Variants in ARHGAP21 observed in about 807,000 individuals in gnomAD.
ARHGAP21 encodes the protein Rho GTPase activating protein 21.
In ARHGAP21, 38 loss-of-function variants were observed where a neutral mutation model predicts 164.6. The ratio of observed to expected loss-of-function variants is 0.23; its 90% confidence interval spans 0.18 to 0.30. ARHGAP21 has a LOEUF of 0.30. Ranked by LOEUF, ARHGAP21 falls within the 10% of genes least tolerant of loss-of-function variation. The probability of loss-of-function intolerance (pLI) is 1.00; values close to 1 mark genes in which losing one functional copy is unlikely to be tolerated. For missense variants in ARHGAP21, 1,822 were observed against 2,370.7 expected (o/e 0.77, Z 4.81); for synonymous variants, 766 against 857.9 (o/e 0.89, Z 1.87).
intron 2 of ARHGAP21, among the ~76,000 whole-genome samples, chr10:24,707,238 G>C (rs539934732): frequency 6.6e-6 from 1 of 152,318 alleles, no homozygotes; most frequent in South Asian, 2.1e-4. Context: ...GGAGGCTAAA[G>C]ACTTATCCTT....
At chr10:24,596,236 A>G in intron 17 of ARHGAP21, 193 bp from the exon 18 acceptor site, 1 of 495,286 alleles carries the variant, frequency 2.0e-6, no homozygotes, top group East Asian at 3.4e-5. Context: ...AAGAGAACAA[A>G]GAGACTGAAA....
chr10:24,623,943 T>G (rs1047953424), intron 7 of ARHGAP21, among the ~76,000 whole-genome samples: 1 of 152,218 alleles, frequency 6.6e-6, no homozygotes, highest in African/African-American at 2.4e-5. Context: ...GGAAGAAATA[T>G]TACTGTTTAG....
chr10:24,656,325 G>A (rs1163014985), intron 4 of ARHGAP21, among the ~76,000 whole-genome samples: 12 of 100,374 alleles, frequency 1.2e-4, no homozygotes, highest in African/African-American at 4.8e-4. Context: ...CAGCCACCCC[G>A]TCCGGGAGGG....
At chr10:24,629,123 G>A (rs1835589035) in intron 7 of ARHGAP21, 2 of 144,146 alleles carry the variant, frequency 1.4e-5, no homozygotes, top group South Asian at 4.5e-4. Flanking sequence ...AGCCTCCCAA[G>A]TAGCTGGGAT....
At chr10:24,686,766 A>G (rs368487505) in intron 2 of ARHGAP21, among the ~76,000 whole-genome samples, 94 of 152,336 alleles carry the variant, frequency 6.2e-4, no homozygotes, top group African/African-American at 2.2e-3. Flanking sequence ...TGGGCGGCAC[A>G]TCCCTGCAGA....
Position 24,721,834 on chromosome 10 carries a change from T to C in ARHGAP21, c.63+3A>G. The C allele has an allele frequency of 6.2e-7, 1 of 1,614,202 alleles. No homozygotes were observed. Among genetic ancestry groups the C allele is most frequent in the African/African-American group, 1.3e-5 (1 of 75,074 alleles). On this transcript the variant is annotated splice_donor_region_variant and intron_variant, in intron 2 of 25. Transcript: ENST00000396432. ...CGGCCAGGAACGCTGGCTCCGCGCT[T>C]ACCTCGCAGGCCTTGAGCTTGTCAC...
intron 13 of ARHGAP21, 128 bp from the exon 14 acceptor site, chr10:24,601,058 T>G: frequency 1.9e-6 from 2 of 1,068,474 alleles, no homozygotes; most frequent in Admixed American, 5.3e-5. Context: ...CAGATTTAGC[T>G]CACTACATTA....
At chr10:24,676,000 T>C (rs928385518) in intron 2 of ARHGAP21, among the ~76,000 whole-genome samples, 1 of 151,758 alleles carries the variant, frequency 6.6e-6, no homozygotes, top group African/African-American at 2.4e-5. Flanking sequence ...ATACAAAAAT[T>C]AGCTGAGTGC....
At chr10:24,627,405 CAG>C (rs1403879027) in intron 7 of ARHGAP21, among the ~76,000 whole-genome samples, 3 of 152,142 alleles carry the variant, frequency 2.0e-5, no homozygotes. Flanking sequence ...ATGTTAGAGA[CAG>C]AAAATTATAT....
chr10:24,625,183 A>G (rs1425717785), intron 7 of ARHGAP21, among the ~76,000 whole-genome samples: 2 of 151,462 alleles, frequency 1.3e-5, no homozygotes, highest in African/African-American at 2.4e-5. Context: ...GATTATATGT[A>G]CAATGCCTAA....
chr10:24,658,686 G>T (rs1333732007), intron 4 of ARHGAP21, among the ~76,000 whole-genome samples: 1 of 152,108 alleles, frequency 6.6e-6, no homozygotes, highest in African/African-American at 2.4e-5. Flanking sequence ...TGTGGGGTGG[G>T]GGGAGAGAGG....
At position 24,610,372 on chromosome 10, in the gene ARHGAP21, C is replaced by CAA. The variant is rs66658477; in HGVS notation, c.2423-2471_2423-2470dup. ...GCCTGGACAACAGAGGACTCTGTCA[C>CAA]AAAAAAAAAAAAAAAAAGTCTTCAT... On this transcript the variant is annotated intron_variant, in intron 9 of 25. Coordinates refer to ENST00000396432, the MANE Select transcript of ARHGAP21 (RefSeq NM_020824.4). 2.5e-3 allele frequency among the ~76,000 whole-genome samples: 274 copies of CAA among 109,522 alleles called. 6 individuals are homozygous for CAA. The East Asian group carries it at 0.047, about 19-fold the overall frequency. 71.9% of individuals were successfully genotyped at this position (109,522 alleles called of 152,430 possible). A position where few individuals can be genotyped will look rare whatever the true frequency, so the allele number is the denominator to read the frequency against.
chr10:24,631,712 C>A (rs1466107435), intron 6 of ARHGAP21, among the ~76,000 whole-genome samples: 1 of 152,132 alleles, frequency 6.6e-6, no homozygotes, highest in Non-Finnish European at 1.5e-5. Context: ...AAGGACACAT[C>A]TGTTTGTTTG....
rs1163369121 is a variant in ARHGAP21, at chr10:24,629,000, T to A, written c.495+996A>T. 2.1e-3 allele frequency: 162 copies of A among 75,818 alleles called. 3 individuals carry two copies. The highest frequency in any genetic ancestry group is 0.014 in the South Asian group (27 of 1,882). 4.7% of individuals were successfully genotyped at this position (75,818 alleles called of 1,614,324 possible). A position where few individuals can be genotyped will look rare whatever the true frequency, so the allele number is the denominator to read the frequency against. On this transcript the variant is annotated intron_variant, in intron 7 of 25. Coordinates refer to ENST00000396432, the MANE Select transcript of ARHGAP21 (RefSeq NM_020824.4). ...TATATATATTTTTTTTTTTTTTTTTTTTTTTTTTTTTTTGAGATGAAGTTT... is the reference window on the plus strand; with the variant it reads ...TATATATATTTTTTTTTTTTTTTTTATTTTTTTTTTTTTGAGATGAAGTTT...
At chr10:24,645,418 T>TA (rs746572248) in intron 4 of ARHGAP21, among the ~76,000 whole-genome samples, 11 of 151,478 alleles carry the variant, frequency 7.3e-5, no homozygotes, top group South Asian at 2.1e-4. Flanking sequence ...CCATCTCTAC[T>TA]AAAAAAAATA....
At chr10:24,641,961 A>G (rs1223820726) in intron 4 of ARHGAP21, among the ~76,000 whole-genome samples, 1 of 150,650 alleles carries the variant, frequency 6.6e-6, no homozygotes. Flanking sequence ...GCGCCACTGC[A>G]CTCCAGCCTG....
At chr10:24,699,934 G>T (rs1161636951) in intron 2 of ARHGAP21, among the ~76,000 whole-genome samples, 2 of 152,142 alleles carry the variant, frequency 1.3e-5, no homozygotes, top group Admixed American at 6.6e-5. Flanking sequence ...CGTTCCTGCG[G>T]CATTTTTCAT....
chr10:24,661,632 C>T (rs1242321146), intron 4 of ARHGAP21, among the ~76,000 whole-genome samples: 1 of 152,202 alleles, frequency 6.6e-6, no homozygotes, highest in Non-Finnish European at 1.5e-5. Flanking sequence ...GATCATTACA[C>T]TGGAGGCTCC....
At chr10:24,616,613 T>C (rs1457283233) in intron 9 of ARHGAP21, among the ~76,000 whole-genome samples, 1 of 152,192 alleles carries the variant, frequency 6.6e-6, no homozygotes, top group Non-Finnish European at 1.5e-5. Context: ...GGAGGAGTCT[T>C]AAGAGATATG....
Sources: gnomAD v4.1 joint callset for allele counts (sites outside exome capture counted in the v4.1 genomes callset) on GRCh38, gnomAD v4.1.1 for gene constraint, MANE v1.5 for transcripts, NCBI Gene and HGNC (gene_info 2026-07-23, HGNC 2026-07-21) for gene names.